The following SMARCA2 variants were observed in gnomAD, a reference collection of about 807,000 sequenced individuals.
The protein encoded by SMARCA2 is SWI/SNF related BAF chromatin remodeling complex subunit ATPase 2, also known as SWI/SNF-related matrix-associated actin-dependent regulator of chromatin subfamily A member 2.
In SMARCA2, 61 loss-of-function variants were observed where a neutral mutation model predicts 199.8. The observed-to-expected ratio is 0.31, with a 90% CI of 0.25 to 0.38. The LOEUF is 0.38. Among genes scored for constraint, SMARCA2 ranks in the 10% least tolerant of loss-of-function variants. The pLI is 1.00. For missense variants in SMARCA2, 1,344 were observed against 2,012.2 expected (o/e 0.67, Z 6.35); for synonymous variants, 935 against 732.0 (o/e 1.28, Z -4.48).
At chr9:2,183,454 A>AGGAAAAAAGT (rs2129904712) in intron 31 of SMARCA2, among the ~76,000 whole-genome samples, 1 of 152,308 alleles carries the variant, frequency 6.6e-6, no homozygotes, top group South Asian at 2.1e-4. Context: ...AATTACTGTC[A>AGGAAAAAAGT]CCTTATGTAG....
chr9:2,050,958 C>G (rs1448601742), intron 5 of SMARCA2, among the ~76,000 whole-genome samples: 1 of 152,176 alleles, frequency 6.6e-6, no homozygotes, highest in Non-Finnish European at 1.5e-5. Flanking sequence ...CATCAATTTT[C>G]TGTACTCGTG....
intron 27 of SMARCA2, among the ~76,000 whole-genome samples, chr9:2,142,225 A>G (rs1357754699): frequency 6.6e-6 from 1 of 152,184 alleles, no homozygotes; most frequent in African/African-American, 2.4e-5. Flanking sequence ...TACTTTGTCA[A>G]AAGACAAAAT....
chr9:2,047,160 C>A (rs1819890944), intron 4 of SMARCA2, 69 bp from the exon 5 acceptor site: 4 of 1,010,486 alleles, frequency 4.0e-6, no homozygotes, highest in South Asian at 9.3e-5. Context: ...CGGGGGGCGG[C>A]GGGCAGGCCG....
chr9:2,189,102 G>C (rs1242185069), intron 32 of SMARCA2, among the ~76,000 whole-genome samples: 1 of 152,170 alleles, frequency 6.6e-6, no homozygotes, highest in African/African-American at 2.4e-5. Context: ...CTCAGGGTCA[G>C]ACAATTAACA....
intron 33 of SMARCA2, chr9:2,192,373 C>T: frequency 3.3e-6 from 1 of 302,196 alleles, no homozygotes; most frequent in Non-Finnish European, 6.1e-6. Context: ...ATGTCAAATG[C>T]AGGGTATTTT....
intron 27 of SMARCA2, among the ~76,000 whole-genome samples, chr9:2,137,359 C>G (rs1408671815): frequency 6.6e-6 from 1 of 152,172 alleles, no homozygotes. Flanking sequence ...GTTATTAAAT[C>G]TAAACACTTG....
At chr9:2,062,663 C>CT (rs1820653409) in intron 9 of SMARCA2, among the ~76,000 whole-genome samples, 1 of 152,066 alleles carries the variant, frequency 6.6e-6, no homozygotes, top group Non-Finnish European at 1.5e-5. Flanking sequence ...AGCACTTATT[C>CT]TTTGTGTCTT....
chr9:2,021,124 TTATGCCAG>T (rs1818582686), intron 1 of SMARCA2, among the ~76,000 whole-genome samples: 1 of 152,216 alleles, frequency 6.6e-6, no homozygotes, highest in Non-Finnish European at 1.5e-5. Context: ...AGCATCAATC[TTATGCCAG>T]TATGTCATCT....
chr9:2,119,678 G>GCCAGTTTGCA lies in SMARCA2; in HGVS notation c.3762+143_3762+144insCCAGTTTGCA. ...TCCTTCAGTTCAGAGGCTGCAAACT[G>GCCAGTTTGCA]GCTGGAGTTAGCCTGCAGACATATT... On this transcript the variant is annotated intron_variant, in intron 26 of 33. Transcript: ENST00000349721. The surrounding 1 kb of genome is among the most constrained non-coding windows in gnomAD (Gnocchi z 4.6). The GCCAGTTTGCA allele has an allele frequency of 1.6e-6, 1 of 606,500 alleles. No individual in the cohort carries two copies. The highest frequency in any genetic ancestry group is 2.9e-6 in the Non-Finnish European group (1 of 340,302). 37.6% of individuals were successfully genotyped at this position (606,500 alleles called of 1,614,324 possible).
At chr9:2,094,226 A>T (rs1822177569) in intron 19 of SMARCA2, among the ~76,000 whole-genome samples, 1 of 152,164 alleles carries the variant, frequency 6.6e-6, no homozygotes, top group South Asian at 2.1e-4. Context: ...GTGATTTTTG[A>T]TCCTGTGTAT....
At chr9:2,065,404 T>TG (rs1324872777) in intron 9 of SMARCA2, among the ~76,000 whole-genome samples, 3 of 152,230 alleles carry the variant, frequency 2.0e-5, no homozygotes, top group Non-Finnish European at 4.4e-5. Flanking sequence ...TAGTCTTCAT[T>TG]GGAGTGTTCG....
At chr9:2,075,334 T>G (rs1821274985) in intron 12 of SMARCA2, 1 of 152,258 alleles carries the variant, frequency 6.6e-6, no homozygotes, top group South Asian at 2.1e-4. Flanking sequence ...ATAGTTCTCT[T>G]TAAACCTGCT....
At chr9:2,103,237 C>T (rs1194341206) in intron 22 of SMARCA2, among the ~76,000 whole-genome samples, 2 of 152,112 alleles carry the variant, frequency 1.3e-5, no homozygotes, top group Non-Finnish European at 2.9e-5. Flanking sequence ...AAAGTGTCTG[C>T]CACACCTGCT....
chr9:2,075,870 A>G (rs921431673), intron 12 of SMARCA2, among the ~76,000 whole-genome samples: 4 of 152,176 alleles, frequency 2.6e-5, no homozygotes, highest in Non-Finnish European at 4.4e-5. Flanking sequence ...GAGCTCTACA[A>G]TCTGGCTTTG....
intron 27 of SMARCA2, among the ~76,000 whole-genome samples, chr9:2,154,116 T>G (rs541298861): frequency 1.3e-3 from 200 of 152,356 alleles, no homozygotes; most frequent in African/African-American, 4.6e-3. Flanking sequence ...ATGCTATATC[T>G]CTCTGTGCCT....
At chr9:2,090,945 A>G (rs1168112647) in intron 19 of SMARCA2, among the ~76,000 whole-genome samples, 1 of 152,094 alleles carries the variant, frequency 6.6e-6, no homozygotes, top group Non-Finnish European at 1.5e-5. Flanking sequence ...GCTTACAGCC[A>G]CAAACAATGT....
intron 29 of SMARCA2, among the ~76,000 whole-genome samples, chr9:2,180,745 G>GTTAAA (rs1224506724): frequency 1.3e-5 from 2 of 152,194 alleles, no homozygotes; most frequent in Admixed American, 1.3e-4. Flanking sequence ...AGTAAGTGAT[G>GTTAAA]TTAAAAGCTC....
intron 5 of SMARCA2, among the ~76,000 whole-genome samples, chr9:2,048,835 C>T (rs1381293798): frequency 6.6e-6 from 1 of 152,096 alleles, no homozygotes; most frequent in Non-Finnish European, 1.5e-5. Context: ...TGAATAATTG[C>T]TGTGTGTTAT....
At position 2,064,045 on chromosome 9, in the gene SMARCA2, G is replaced by A. The variant is rs74350045; in HGVS notation, c.1692+3059G>A. On this transcript the variant is annotated intron_variant, in intron 9 of 33. Transcript: ENST00000349721. The stretch of plus-strand genomic sequence containing the variant: ...TAAAGTATTGAAAACCTAGTTATAC[G>A]AAACTAATTTCTTTGATGTTACAAG... Among the ~76,000 whole-genome samples the A allele has an allele frequency of 1.1e-3, 166 of 152,258 alleles. 4 individuals are homozygous for A. In the East Asian group the frequency reaches 0.03, roughly 27 times the overall value.
Sources: allele counts gnomAD v4.1 joint callset (sites outside exome capture counted in the v4.1 genomes callset), GRCh38; gene constraint gnomAD v4.1.1; non-coding constraint Gnocchi (gnomAD v3.1); transcripts MANE v1.5; gene names NCBI Gene and HGNC (gene_info 2026-07-23, HGNC 2026-07-21).